The following ERGIC1 variants were observed in gnomAD, a reference collection of about 807,000 sequenced individuals.
The protein encoded by ERGIC1 is endoplasmic reticulum-Golgi intermediate compartment protein 1.
ERGIC1 carries 19 observed loss-of-function variants against 38.3 expected under a neutral mutation model. The observed-to-expected ratio is 0.50, with a 90% CI of 0.35 to 0.73. The LOEUF is 0.73. Ranked by LOEUF, ERGIC1 falls within the 30% of genes least tolerant of loss-of-function variation. The pLI, the probability that ERGIC1 is intolerant of heterozygous loss-of-function variation, is 0.01. For synonymous variants in ERGIC1, 124 were observed against 157.6 expected (o/e 0.79, Z 1.60); for missense variants, 294 against 389.2 (o/e 0.76, Z 2.06).
intron 2 of ERGIC1, among the ~76,000 whole-genome samples, chr5:172,893,905 A>ATATATGTG (rs1173039695): frequency 3.5e-3 from 54 of 15,508 alleles, no homozygotes; most frequent in East Asian, 9.2e-3. Context: ...ATATATATAT[A>ATATATGTG]TGTGTGTGTG....
intron 3 of ERGIC1, 61 bp downstream of exon 3, chr5:172,897,135 G>A: frequency 6.5e-7 from 1 of 1,545,050 alleles, no homozygotes; most frequent in Non-Finnish European, 8.9e-7. Context: ...ACAAGAAGAG[G>A]GAGGGGTCTT....
intron 9 of ERGIC1, among the ~76,000 whole-genome samples, chr5:172,941,312 C>T (rs1204676716): frequency 1.3e-5 from 2 of 152,086 alleles, no homozygotes; most frequent in African/African-American, 4.8e-5. Context: ...AAAAAGTGAT[C>T]ATATAGCTAC....
At chr5:172,868,421 A>G (rs1219393424) in intron 1 of ERGIC1, among the ~76,000 whole-genome samples, 1 of 152,222 alleles carries the variant, frequency 6.6e-6, no homozygotes, top group Non-Finnish European at 1.5e-5. Context: ...GGAACCTTAC[A>G]TGCCTCTTAC....
intron 1 of ERGIC1, among the ~76,000 whole-genome samples, chr5:172,866,155 A>G (rs1263254693): frequency 6.6e-6 from 1 of 152,152 alleles, no homozygotes; most frequent in Non-Finnish European, 1.5e-5. Flanking sequence ...TGTTTCTGGG[A>G]TTCAGAACCT....
chr5:172,858,728 C>T, intron 1 of ERGIC1, among the ~76,000 whole-genome samples: 1 of 152,198 alleles, frequency 6.6e-6, no homozygotes, highest in Admixed American at 6.5e-5. Flanking sequence ...GCTGACCTTA[C>T]CAGCCCCCCG....
chr5:172,914,946 G>A (rs1250370284), intron 5 of ERGIC1, 108 bp downstream of exon 5: 1 of 1,536,298 alleles, frequency 6.5e-7, no homozygotes, highest in Non-Finnish European at 8.9e-7. Flanking sequence ...CCCTGACACA[G>A]CCCCCAGCAA....
chr5:172,849,777 C>T (rs776945856), intron 1 of ERGIC1, among the ~76,000 whole-genome samples: 71 of 152,184 alleles, frequency 4.7e-4, no homozygotes, highest in Admixed American at 1.9e-3. Context: ...ACCTCACCCA[C>T]GCTGTCTGCA....
chr5:172,928,217 G>A (rs1014613887), intron 7 of ERGIC1, among the ~76,000 whole-genome samples: 1 of 152,210 alleles, frequency 6.6e-6, no homozygotes, highest in African/African-American at 2.4e-5. Flanking sequence ...CAGAGAGAGG[G>A]TGTGGACAGA....
At chr5:172,857,552 C>T (rs1761581319) in intron 1 of ERGIC1, among the ~76,000 whole-genome samples, 1 of 151,804 alleles carries the variant, frequency 6.6e-6, no homozygotes, top group Non-Finnish European at 1.5e-5. Flanking sequence ...CCCTGGGACT[C>T]AGTTTCCTCA....
Position 172,889,264 on chromosome 5 carries a change from A to G in ERGIC1, c.82+504A>G, listed in dbSNP as rs576349470. Among the ~76,000 whole-genome samples the G allele has an allele frequency of 3.9e-5, 6 of 152,260 alleles. No homozygotes were observed. In the East Asian group the frequency reaches 1.2e-3, roughly 29 times the overall value. On this transcript the variant is annotated intron_variant, in intron 2 of 9. Transcript: ENST00000393784. ...ACACCATTGCACTTCAGCCTGGGCA[A>G]CAAGAGCGAGACTCCATCTAAAAAA...
At chr5:172,898,055 G>A (rs1235195225) in intron 3 of ERGIC1, 1 of 400,662 alleles carries the variant, frequency 2.5e-6, no homozygotes, top group East Asian at 3.6e-5. Context: ...GCACTGGCTT[G>A]AGGCTTCAAA....
chr5:172,841,030 C>T (rs1761147087), intron 1 of ERGIC1, among the ~76,000 whole-genome samples: 1 of 152,164 alleles, frequency 6.6e-6, no homozygotes, highest in African/African-American at 2.4e-5. Context: ...CTCAGATGCC[C>T]TGTTGTTTAT....
chr5:172,862,307 CAAAAAA>C (rs58968820), intron 1 of ERGIC1, among the ~76,000 whole-genome samples: 4 of 49,480 alleles, frequency 8.1e-5, no homozygotes, highest in South Asian at 1.5e-3. Context: ...GACTACATCT[CAAAAAA>C]AAAAAAAAAA....
At chr5:172,949,655 C>CGG (rs56358883) in intron 9 of ERGIC1, among the ~76,000 whole-genome samples, 1,492 of 142,438 alleles carry the variant, frequency 0.01, 28 homozygotes, top group Admixed American at 0.043. Flanking sequence ...CACAGCGTGG[C>CGG]GGGGGGGGGT....
At chr5:172,882,727 CA>C (rs1401396836) in intron 1 of ERGIC1, among the ~76,000 whole-genome samples, 1 of 152,086 alleles carries the variant, frequency 6.6e-6, no homozygotes, top group Non-Finnish European at 1.5e-5. Context: ...AGCTTTGGTC[CA>C]AATCTCACCT....
At chr5:172,855,889 G>A (rs894580756) in intron 1 of ERGIC1, among the ~76,000 whole-genome samples, 109 of 152,358 alleles carry the variant, frequency 7.2e-4, no homozygotes, top group African/African-American at 2.5e-3. Context: ...CCCGGCGGGG[G>A]CCAGGCCAGC....
At chr5:172,886,885 T>C (rs920038482) in intron 1 of ERGIC1, among the ~76,000 whole-genome samples, 4 of 152,100 alleles carry the variant, frequency 2.6e-5, no homozygotes, top group Non-Finnish European at 5.9e-5. Flanking sequence ...GCCCCCACTT[T>C]CTGACTAAGG....
At chr5:172,881,288 C>T (rs945561659) in intron 1 of ERGIC1, among the ~76,000 whole-genome samples, 2 of 152,106 alleles carry the variant, frequency 1.3e-5, no homozygotes, top group Admixed American at 1.3e-4. Context: ...TAAGTATCCA[C>T]AAAAGTAGAG....
chr5:172,839,321 C>T (rs993297992), intron 1 of ERGIC1, among the ~76,000 whole-genome samples: 1 of 150,832 alleles, frequency 6.6e-6, no homozygotes, highest in Admixed American at 6.6e-5. Context: ...TTTGGGAGGC[C>T]AAAGTGGGAG....
Sources: allele counts gnomAD v4.1 joint callset (sites outside exome capture counted in the v4.1 genomes callset), GRCh38; gene constraint gnomAD v4.1.1; transcripts MANE v1.5; gene names NCBI Gene and HGNC (gene_info 2026-07-23, HGNC 2026-07-21).